Variants in COL4A5 observed in about 807,000 individuals in gnomAD.
COL4A5 encodes the protein collagen type IV alpha 5 chain.
COL4A5 carries 26 observed loss-of-function variants against 130.2 expected under a neutral mutation model. The observed-to-expected ratio is 0.20, with a 90% CI of 0.15 to 0.28. COL4A5 has a LOEUF of 0.28. Among genes scored for constraint, COL4A5 ranks in the 10% least tolerant of loss-of-function variants. The pLI, the probability that COL4A5 is intolerant of heterozygous loss-of-function variation, is 1.00. For synonymous variants in COL4A5, 496 were observed against 439.6 expected (o/e 1.13, Z -1.60); for missense variants, 1,131 against 1,344.3 (o/e 0.84, Z 2.48).
chrX:108,630,535 T>A (rs985299860), intron 36 of COL4A5, among the ~76,000 whole-genome samples: 5 of 112,107 alleles, frequency 4.5e-5, no homozygotes, highest in Non-Finnish European at 9.4e-5. Context: ...GTTTAAGTTC[T>A]TTGTAGATTC....
At chrX:108,505,969 T>C in intron 1 of COL4A5, among the ~76,000 whole-genome samples, 1 of 112,358 alleles carries the variant, frequency 8.9e-6, no homozygotes, top group Middle Eastern at 4.6e-3. Context: ...AGTGAGTAAT[T>C]CTTTTCTCTT....
intron 1 of COL4A5, among the ~76,000 whole-genome samples, chrX:108,525,049 T>C (rs1369337517): frequency 1.8e-5 from 2 of 111,935 alleles, no homozygotes; most frequent in African/African-American, 6.5e-5. Flanking sequence ...TCCTTGTTGA[T>C]CTTCTGTCTC....
chrX:108,491,386 T>A (rs1460560064), intron 1 of COL4A5, among the ~76,000 whole-genome samples: 1 of 112,019 alleles, frequency 8.9e-6, no homozygotes, highest in Non-Finnish European at 1.9e-5. Flanking sequence ...ATGATTTAAC[T>A]ACTAAATGCT....
rs1387180452 is a variant in COL4A5 at position 108,626,221 on chromosome X, G to A, written c.3118G>A (p.Val1040Met). 8.3e-7 allele frequency: 1 copy of A among 1,207,274 alleles called. No homozygotes were observed. The highest frequency in any genetic ancestry group is 3.0e-5 in the East Asian group (1 of 33,704). ...GDMGFPGPQGVEGPPGPSGVP... is the reference protein window; with the variant it reads ...GDMGFPGPQGMEGPPGPSGVP... The stretch of plus-strand genomic sequence containing the variant: ...CATATTTTCAACAGGGCCTCAGGGT[G>A]TGGAAGGGCCTCCTGGACCTTCTGG... The change falls in exon 36 of 53, where the codon GTG (valine) becomes ATG (methionine). Residue 1040 changes from valine to methionine, a missense_variant. Val to Met is a conservative substitution (Grantham distance 21). Coordinates refer to ENST00000328300, the MANE Select transcript of COL4A5 (RefSeq NM_033380.3).
chrX:108,508,702 G>T (rs1603259782), intron 1 of COL4A5, among the ~76,000 whole-genome samples: 1 of 110,769 alleles, frequency 9.0e-6, no homozygotes, highest in African/African-American at 3.3e-5. Flanking sequence ...GCATGGTACT[G>T]GTATAAAAAA....
chrX:108,601,473 G>A lies in COL4A5; in HGVS notation c.2029G>A (p.Val677Ile), dbSNP rs1209977181. The change falls in exon 26 of 53, where the codon GTA (valine) becomes ATA (isoleucine). Residue 677 changes from valine to isoleucine, a missense_variant. Physicochemically the swap from Val to Ile is conservative, Grantham distance 29. Coordinates refer to ENST00000328300, the MANE Select transcript of COL4A5 (RefSeq NM_033380.3). ...LPGNPGRDGD[V>I]GLPGDPGLPG... The stretch of plus-strand genomic sequence containing the variant: ...TGGTAACCCAGGCAGAGATGGTGAT[G>A]TAGGTCTTCCAGGTATGTGAGGAAT... 6 of 1,184,518 alleles carry A rather than the reference G, an allele frequency of 5.1e-6. No individual in the cohort carries two copies. The highest frequency in any genetic ancestry group is 6.9e-6 in the Non-Finnish European group (6 of 875,491).
intron 1 of COL4A5, among the ~76,000 whole-genome samples, chrX:108,479,259 A>G (rs2064865678): frequency 8.9e-6 from 1 of 112,360 alleles, no homozygotes; most frequent in African/African-American, 3.2e-5. Flanking sequence ...CTCTTTCCCA[A>G]ATTTCTTTGT....
chrX:108,523,499 T>C (rs1055990890), intron 1 of COL4A5, among the ~76,000 whole-genome samples: 1 of 112,467 alleles, frequency 8.9e-6, no homozygotes, highest in African/African-American at 3.2e-5. Context: ...TGTAGGTTTG[T>C]AGCAAATTTT....
chrX:108,688,742 C>T (rs1484384792), intron 49 of COL4A5, among the ~76,000 whole-genome samples: 1 of 111,547 alleles, frequency 9.0e-6, no homozygotes. Context: ...GCAGGGCTGC[C>T]TATTTTAAGA....
intron 1 of COL4A5, among the ~76,000 whole-genome samples, chrX:108,534,883 C>T (rs775084227): frequency 1.4e-3 from 156 of 110,550 alleles, no homozygotes; most frequent in Non-Finnish European, 2.6e-3. Flanking sequence ...AAATCTTAGC[C>T]GTTGTCTCTT....
In COL4A5 at chrX:108,463,645, C is replaced by A. The variant is rs1048650151; in HGVS notation, c.81+23439C>A. On this transcript the variant is annotated intron_variant, in intron 1 of 52. Transcript: ENST00000328300. ...GTCGTGCCCATCCCCTTTTAGGATT[C>A]TGCATATCTCTTAGTTTTTCCTTTG... is the stretch of plus-strand genomic sequence containing the variant. 2.7e-5 allele frequency among the ~76,000 whole-genome samples: 3 copies of A among 111,922 alleles called. No individual in the cohort carries two copies. The Admixed American group carries it at 2.9e-4, about 11-fold the overall frequency.
At position 108,591,143 on chromosome X, in the gene COL4A5, C is replaced by A; in HGVS notation, c.1251C>A (p.Ser417=). The A allele has an allele frequency of 4.1e-6, 5 of 1,209,010 alleles. No individual in the cohort carries two copies. The highest frequency in any genetic ancestry group is 5.6e-6 in the Non-Finnish European group (5 of 893,992). The change falls in exon 20 of 53, where the codon TCC becomes TCA. Residue 417 remains serine, a synonymous_variant. Coordinates refer to ENST00000328300, the MANE Select transcript of COL4A5 (RefSeq NM_033380.3). ...QKGDEGPPGI[S]IPGPPGLDGQ... ...GTGATGAAGGACCACCTGGAATTTC[C>A]ATTCCTGGACCTCCTGGACTTGACG... is the stretch of plus-strand genomic sequence containing the variant.
intron 1 of COL4A5, among the ~76,000 whole-genome samples, chrX:108,487,278 T>C (rs1212494496): frequency 3.7e-5 from 4 of 108,736 alleles, no homozygotes; most frequent in African/African-American, 1.3e-4. Context: ...TAATCCCAAC[T>C]ACTCAGGAGG....
At chrX:108,647,390 A>T (rs1328932251) in intron 36 of COL4A5, among the ~76,000 whole-genome samples, 3 of 111,005 alleles carry the variant, frequency 2.7e-5, no homozygotes, top group Non-Finnish European at 5.7e-5. Context: ...TTTGTCTGTT[A>T]TTGGTGTATA....
intron 42 of COL4A5, among the ~76,000 whole-genome samples, chrX:108,671,969 T>G (rs1406087021): frequency 9.0e-6 from 1 of 111,710 alleles, no homozygotes; most frequent in Non-Finnish European, 1.9e-5. Flanking sequence ...TTAAGAAACT[T>G]GCTCAGGGTA....
chrX:108,680,774 T>C (rs1247909451), intron 45 of COL4A5, 23 bp downstream of exon 45: 1 of 1,193,620 alleles, frequency 8.4e-7, no homozygotes, highest in Non-Finnish European at 1.1e-6. Context: ...ATTTTTGTGG[T>C]TTCCCTTTAT....
chrX:108,456,775 A>C (rs1027859652), intron 1 of COL4A5, among the ~76,000 whole-genome samples: 1 of 112,361 alleles, frequency 8.9e-6, no homozygotes, highest in Non-Finnish European at 1.9e-5. Flanking sequence ...TCATCAAAAA[A>C]TAATTTGTAT....
At chrX:108,551,481 T>C (rs764330292) in intron 2 of COL4A5, among the ~76,000 whole-genome samples, 1 of 111,823 alleles carries the variant, frequency 8.9e-6, no homozygotes, top group South Asian at 3.7e-4. Context: ...AAAATGGCTA[T>C]TATTAAAAAG....
chrX:108,669,253 C>A (rs1238763127), intron 41 of COL4A5, among the ~76,000 whole-genome samples: 1 of 112,241 alleles, frequency 8.9e-6, no homozygotes, highest in South Asian at 3.7e-4. Flanking sequence ...AGGTTATGAA[C>A]AGATTTTGAG....
Sources: allele counts gnomAD v4.1 joint callset (sites outside exome capture counted in the v4.1 genomes callset), GRCh38; gene constraint gnomAD v4.1.1; transcripts MANE v1.5; gene names NCBI Gene and HGNC (gene_info 2026-07-23, HGNC 2026-07-21).